CDH13: variants seen among roughly 807,000 people sequenced by gnomAD.
CDH13 encodes cadherin-13.
A neutral mutation model predicts 63.8 loss-of-function variants in CDH13; 24 were observed. The observed-to-expected ratio is 0.38, with a 90% CI of 0.27 to 0.53. The LOEUF (loss-of-function observed/expected upper bound fraction) is 0.53. Ranked by LOEUF, CDH13 falls within the 20% of genes least tolerant of loss-of-function variation. CDH13 has a pLI of 0.85. For synonymous variants in CDH13, 503 were observed against 355.3 expected (o/e 1.42, Z -4.67); for missense variants, 1,049 against 903.1 (o/e 1.16, Z -2.07).
chr16:83,480,232 C>G (rs557256495), intron 6 of CDH13, among the ~76,000 whole-genome samples: 42 of 152,296 alleles, frequency 2.8e-4, no homozygotes, highest in Non-Finnish European at 5.1e-4. Context: ...GGGAGGATCA[C>G]TTGAGCCTGG....
At chr16:82,630,820 G>A (rs1436815084) in intron 1 of CDH13, among the ~76,000 whole-genome samples, 1 of 152,160 alleles carries the variant, frequency 6.6e-6, no homozygotes, top group Non-Finnish European at 1.5e-5. Flanking sequence ...AGCCAACAGT[G>A]TTTCTGTGTG....
At position 82,880,417 on chromosome 16, in the gene CDH13, T is replaced by A. The variant is rs145292976; in HGVS notation, c.157+21944T>A. 3.6e-3 allele frequency among the ~76,000 whole-genome samples: 544 copies of A among 152,344 alleles called. 2 individuals are homozygous for A. Among genetic ancestry groups the A allele is most frequent in the African/African-American group, 0.012 (512 of 41,590 alleles). ...TAATGTGGATATTGAATGTTTCACC[T>A]GCCGAGGGCCTTCATCTAATTCATA... On this transcript the variant is annotated intron_variant, in intron 2 of 13. Transcript: ENST00000567109.
chr16:83,551,564 A>G (rs1250702242), intron 7 of CDH13, among the ~76,000 whole-genome samples: 1 of 152,120 alleles, frequency 6.6e-6, no homozygotes, highest in Non-Finnish European at 1.5e-5. Context: ...TCAAACACCC[A>G]TTCTGCATCT....
intron 5 of CDH13, among the ~76,000 whole-genome samples, chr16:83,238,355 C>A (rs1904281762): frequency 6.6e-6 from 1 of 152,118 alleles, no homozygotes; most frequent in South Asian, 2.1e-4. Flanking sequence ...GGGGAACTGC[C>A]CTTTATAAAA....
intron 2 of CDH13, among the ~76,000 whole-genome samples, chr16:82,860,913 C>T (rs12934446): frequency 0.057 from 8,705 of 152,212 alleles, 331 homozygotes; most frequent in Non-Finnish European, 0.09. Flanking sequence ...TTAAGCCAGT[C>T]TCACTCTCCC....
At chr16:83,389,340 A>T (rs571444700) in intron 6 of CDH13, among the ~76,000 whole-genome samples, 1 of 152,342 alleles carries the variant, frequency 6.6e-6, no homozygotes, top group South Asian at 2.1e-4. Context: ...TTTTACCAAA[A>T]TGAGATCGTA....
intron 3 of CDH13, among the ~76,000 whole-genome samples, chr16:83,109,249 T>G (rs935723765): frequency 1.3e-5 from 2 of 152,156 alleles, no homozygotes; most frequent in Non-Finnish European, 2.9e-5. Context: ...TGGGAAATTT[T>G]CCCAGGTGGA....
At chr16:82,734,573 G>A (rs184937272) in intron 1 of CDH13, among the ~76,000 whole-genome samples, 2 of 152,296 alleles carry the variant, frequency 1.3e-5, no homozygotes. Context: ...TACATCCACT[G>A]TCTTAGGTTG....
intron 2 of CDH13, among the ~76,000 whole-genome samples, chr16:82,933,844 CTG>C (rs2042580133): frequency 6.6e-6 from 1 of 152,242 alleles, no homozygotes; most frequent in African/African-American, 2.4e-5. Flanking sequence ...TCCTTTGACT[CTG>C]TGTCTCACAT....
At chr16:83,538,931 A>G (rs1034059529) in intron 7 of CDH13, among the ~76,000 whole-genome samples, 1 of 152,200 alleles carries the variant, frequency 6.6e-6, no homozygotes, top group Non-Finnish European at 1.5e-5. Context: ...GCCAATCTAC[A>G]TTTCAACTAC....
chr16:82,906,986 G>A (rs557146232), intron 2 of CDH13, among the ~76,000 whole-genome samples: 30 of 152,264 alleles, frequency 2.0e-4, no homozygotes, highest in African/African-American at 7.0e-4. Context: ...TCCAAATAAG[G>A]TTGCATTCTG....
intron 1 of CDH13, among the ~76,000 whole-genome samples, chr16:82,751,137 G>A (rs2034396954): frequency 6.6e-6 from 1 of 152,102 alleles, no homozygotes; most frequent in Non-Finnish European, 1.5e-5. Flanking sequence ...TATGTGGAAA[G>A]CCAGATGTGT....
At chr16:83,060,637 A>G (rs1408339079) in intron 3 of CDH13, among the ~76,000 whole-genome samples, 2 of 152,252 alleles carry the variant, frequency 1.3e-5, no homozygotes, top group African/African-American at 4.8e-5. Flanking sequence ...AGTTGAGCTC[A>G]GATCTGAATC....
In CDH13 at chr16:83,618,025, G is replaced by A. The variant is rs547748071; in HGVS notation, c.1101+15431G>A. Among the ~76,000 whole-genome samples the A allele has an allele frequency of 3.9e-5, 6 of 152,238 alleles. No homozygotes were observed. The South Asian group carries it at 8.3e-4, about 21-fold the overall frequency. On this transcript the variant is annotated intron_variant, in intron 8 of 13. Coordinates refer to ENST00000567109, the MANE Select transcript of CDH13 (RefSeq NM_001257.5). ...CTGTTTTGTCATCTGCTGTGGTCCC[G>A]CACCCAGCCTGCCGTGTAGTGCATG...
At chr16:83,492,991 G>C (rs1416293720) in intron 7 of CDH13, among the ~76,000 whole-genome samples, 1 of 152,118 alleles carries the variant, frequency 6.6e-6, no homozygotes, top group African/African-American at 2.4e-5. Flanking sequence ...CAAGGGCATA[G>C]ACTACCTGTG....
At chr16:83,469,192 C>G (rs1051837406) in intron 6 of CDH13, among the ~76,000 whole-genome samples, 1 of 152,134 alleles carries the variant, frequency 6.6e-6, no homozygotes, top group African/African-American at 2.4e-5. Flanking sequence ...CTTTTCAACT[C>G]AGTGTTTTTT....
intron 6 of CDH13, among the ~76,000 whole-genome samples, chr16:83,355,191 T>C (rs998227213): frequency 4.6e-5 from 7 of 152,196 alleles, no homozygotes; most frequent in African/African-American, 1.4e-4. Context: ...GAGAAAACCA[T>C]GGCAGCTACG....
intron 9 of CDH13, 109 bp downstream of exon 9, chr16:83,671,081 C>A (rs1914459655): frequency 1.1e-6 from 1 of 925,152 alleles, no homozygotes; most frequent in Non-Finnish European, 1.6e-6. Context: ...TTCCCCCAGT[C>A]TCCTCCTTCT....
At chr16:82,993,028 C>T (rs1394537700) in intron 2 of CDH13, among the ~76,000 whole-genome samples, 1 of 152,122 alleles carries the variant, frequency 6.6e-6, no homozygotes, top group Non-Finnish European at 1.5e-5. Context: ...TTCCATTGGG[C>T]CATGCCAGCT....
Sources: gnomAD v4.1 joint callset for allele counts (sites outside exome capture counted in the v4.1 genomes callset) on GRCh38, gnomAD v4.1.1 for gene constraint, MANE v1.5 for transcripts, NCBI Gene and HGNC (gene_info 2026-07-23, HGNC 2026-07-21) for gene names.